KMT2B: variants seen among roughly 807,000 people sequenced by gnomAD.
KMT2B encodes lysine methyltransferase 2B, also known as histone-lysine N-methyltransferase 2B.
In KMT2B, 22 loss-of-function variants were observed where a neutral mutation model predicts 255.3. The ratio of observed to expected loss-of-function variants is 0.09; its 90% CI spans 0.06 to 0.12. The LOEUF is 0.12. Ranked by LOEUF, KMT2B falls within the 10% of genes least tolerant of loss-of-function variation. KMT2B has a pLI of 1.00. For synonymous variants in KMT2B, 1,730 were observed against 1,498.1 expected (o/e 1.15, Z -3.57); for missense variants, 3,149 against 3,737.0 (o/e 0.84, Z 4.10).
At position 35,720,373 on chromosome 19, in the gene KMT2B, A is replaced by C. The variant is rs1416342149; in HGVS notation, c.1026A>C (p.Arg342Ser). 3 of 1,597,532 alleles carry C rather than the reference A, an allele frequency of 1.9e-6. No homozygotes were observed. Among genetic ancestry groups the C allele is most frequent in the Non-Finnish European group, 2.6e-6 (3 of 1,172,072 alleles). The stretch of plus-strand genomic sequence containing the variant: ...AAAGTTGGCAGGATGTCCCCCAAAG[A>C]AGAGTTGGATCTGGACAGGGAGGGA... The part of the protein sequence containing the change: ...HEESWQDVPQ[R>S]RVGSGQGGSP... Residue 342 changes from arginine (R) to serine (S), a missense_variant, in exon 3 of 37, where the codon AGA (arginine) becomes AGC (serine). Around this residue, in one of 18 missense-constraint regions of KMT2B, gnomAD observed 1,188 missense variants for 1,106.4 expected, o/e 1.07. Coordinates refer to ENST00000420124, the MANE Select transcript of KMT2B (RefSeq NM_014727.3).
At position 35,738,754 on chromosome 19, in the gene KMT2B, T is replaced by C; in HGVS notation, c.*197T>C. 1 of 615,960 alleles carries C rather than the reference T, an allele frequency of 1.6e-6. No homozygotes were observed. The highest frequency in any genetic ancestry group is 2.8e-6 in the Non-Finnish European group (1 of 353,830). 38.2% of individuals were successfully genotyped at this position (615,960 alleles called of 1,614,324 possible). A position where few individuals can be genotyped will look rare whatever the true frequency, so the allele number is the denominator to read the frequency against. On this transcript the variant is annotated 3_prime_UTR_variant, in exon 37 of 37. Transcript: ENST00000420124. The surrounding 1 kb of genome is among the most constrained non-coding windows in gnomAD (Gnocchi z 8.7). ...TCCAGCAATCGCCCCCTTTCTGCCC[T>C]GGGGGCCCAGGATGTAGATATTGTA...
rs755498614 is a variant in KMT2B at position 35,727,604 on chromosome 19, A to G, written c.4284A>G (p.Pro1428=). Residue 1428 remains proline (P), a synonymous_variant, in exon 16 of 37, where the codon CCA becomes CCG. Coordinates refer to ENST00000420124, the MANE Select transcript of KMT2B (RefSeq NM_014727.3). This position sits in a 1 kb window ranked among gnomAD's most constrained non-coding sequence, Gnocchi z 4.2. ...TGCTGAGCTCCAAGGTGGTGGGCCC[A>G]CTGCTGCTCTGCACCCAGGTCTGGA... ...QGLLSSKVVG[P]LLLCTQCGPD... The G allele has an allele frequency of 7.5e-6, 12 of 1,606,586 alleles. No homozygotes were observed. The highest frequency in any genetic ancestry group is 4.4e-5 in the South Asian group (4 of 90,914).
rs756417331 is a variant in KMT2B, at chr19:35,719,525, G to A, written c.420G>A (p.Ala140=). Residue 140 remains alanine (A), a synonymous_variant, in exon 2 of 37, where the codon GCG becomes GCA. Coordinates refer to ENST00000420124, the MANE Select transcript of KMT2B (RefSeq NM_014727.3). ...EDVAPSSLRS[A]LRSQRGRAPR... Reference sequence around the variant, plus strand: ...TGGCCCCCAGTTCCCTGCGCTCTGCGCTCCGATCCCAGCGAGGTGAGTGAC... The same window carrying A: ...TGGCCCCCAGTTCCCTGCGCTCTGCACTCCGATCCCAGCGAGGTGAGTGAC... The A allele has an allele frequency of 2.5e-6, 4 of 1,591,390 alleles. No homozygotes were observed. The highest frequency in any genetic ancestry group is 3.4e-6 in the Non-Finnish European group (4 of 1,169,062).
At position 35,721,113 on chromosome 19, in the gene KMT2B, C is replaced by T. The variant is rs1475021403; in HGVS notation, c.1766C>T (p.Pro589Leu). 2.5e-6 allele frequency: 4 copies of T among 1,610,440 alleles called. No homozygotes were observed. The highest frequency in any genetic ancestry group is 3.4e-6 in the Non-Finnish European group (4 of 1,178,794). Residue 589 changes from proline (P) to leucine (L), a missense_variant, in exon 3 of 37, where the codon CCT (proline) becomes CTT (leucine). Physicochemically the swap from Pro to Leu is moderately conservative, Grantham distance 98. Transcript: ENST00000420124. ...CCCTCTCCACCACGTGCCCCAACTCCTCCATCTACCCCAGTTCCACTCCCT... is the reference window on the plus strand; with the variant it reads ...CCCTCTCCACCACGTGCCCCAACTCTTCCATCTACCCCAGTTCCACTCCCT... ...PVPSPPRAPT[P>L]PSTPVPLPEK... is the part of the protein sequence containing the mutation.
chr19:35,718,384 G>A lies in KMT2B; in HGVS notation c.363+3G>A. ...GTGACGGGGAATCCGACGAGGAGGTGAGGCGGTTGGAGGCGTCCCCGGCGC... is the reference window on the plus strand; with the variant it reads ...GTGACGGGGAATCCGACGAGGAGGTAAGGCGGTTGGAGGCGTCCCCGGCGC... On this transcript the variant is annotated splice_donor_region_variant and intron_variant, in intron 1 of 36. Transcript: ENST00000420124. The surrounding 1 kb of genome is among the most constrained non-coding windows in gnomAD (Gnocchi z 5.0). 7.9e-7 allele frequency: 1 copy of A among 1,264,186 alleles called. No homozygotes were observed. Among genetic ancestry groups the A allele is most frequent in the East Asian group, 3.0e-5 (1 of 33,440 alleles). 78.3% of individuals were successfully genotyped at this position (1,264,186 alleles called of 1,614,324 possible). A position where few individuals can be genotyped will look rare whatever the true frequency, so the allele number is the denominator to read the frequency against.
At chr19:35,728,207 A>G in intron 19 of KMT2B, 36 bp downstream of exon 19, 1 of 1,547,100 alleles carries the variant, frequency 6.5e-7, no homozygotes, top group Non-Finnish European at 8.7e-7. Flanking sequence ...GAAGCCGGGG[A>G]GTGAGGGCAA....
rs746337039 is a variant in KMT2B at position 35,732,845 on chromosome 19, C to T, written c.6296C>T (p.Ala2099Val). ...GVVRAGVLGA[A>V]GDRARPPEDL... is the part of the protein sequence containing the mutation. Reference sequence around the variant, plus strand: ...GTCCGGGCAGGGGTCCTTGGGGCTGCAGGGGACAGGGCCCGGCCTCCTGAG... The same window carrying T: ...GTCCGGGCAGGGGTCCTTGGGGCTGTAGGGGACAGGGCCCGGCCTCCTGAG... The change falls in exon 28 of 37, where the codon GCA (alanine) becomes GTA (valine). Residue 2099 changes from alanine (A) to valine (V), a missense_variant. Ala to Val is a moderately conservative substitution (Grantham distance 64). Coordinates refer to ENST00000420124, the MANE Select transcript of KMT2B (RefSeq NM_014727.3). 68 of 1,608,992 alleles carry T rather than the reference C, an allele frequency of 4.2e-5. No individual in the cohort carries two copies. Among genetic ancestry groups the T allele is most frequent in the Non-Finnish European group, 5.7e-5 (67 of 1,178,302 alleles).
Position 35,719,764 on chromosome 19 carries a change from C to T in KMT2B, c.437-20C>T. On this transcript the variant is annotated intron_variant, in intron 2 of 36. Transcript: ENST00000420124. The stretch of plus-strand genomic sequence containing the variant: ...GTAGGGCTGGCTTGATCCATCTCCC[C>T]ACAACTATTCTCCTTTTAGGTCGAG... 6.4e-7 allele frequency: 1 copy of T among 1,564,072 alleles called. No individual in the cohort carries two copies. The highest frequency in any genetic ancestry group is 8.7e-7 in the Non-Finnish European group (1 of 1,156,036).
At chr19:35,719,121 T>C (rs1214579313) in intron 1 of KMT2B, among the ~76,000 whole-genome samples, 4 of 152,218 alleles carry the variant, frequency 2.6e-5, no homozygotes, top group Middle Eastern at 3.4e-3. Flanking sequence ...AGGGTGTCAG[T>C]GGAGGTCCCA....
chr19:35,724,017 G>A lies in KMT2B; in HGVS notation c.3334+10G>A, dbSNP rs1306895042. Reference sequence around the variant, plus strand: ...ACCCCCCGAGAAAATGGTGCGAACTGCTTAATGCTTTCTCTGTTGATCATT... The same window carrying A: ...ACCCCCCGAGAAAATGGTGCGAACTACTTAATGCTTTCTCTGTTGATCATT... On this transcript the variant is annotated intron_variant, in intron 8 of 36. Transcript: ENST00000420124. 1.9e-6 allele frequency: 3 copies of A among 1,565,174 alleles called. No homozygotes were observed. Among genetic ancestry groups the A allele is most frequent in the East Asian group, 2.3e-5 (1 of 44,186 alleles).
intron 14 of KMT2B, among the ~76,000 whole-genome samples, chr19:35,726,741 T>A (rs1181081723): frequency 6.6e-6 from 1 of 152,130 alleles, no homozygotes; most frequent in Non-Finnish European, 1.5e-5. Flanking sequence ...CCTAACACTT[T>A]GGAAGGCTGA....
In KMT2B at chr19:35,726,431, C is replaced by T. The variant is rs375893440; in HGVS notation, c.4003+78C>T. On this transcript the variant is annotated intron_variant, in intron 14 of 36. Transcript: ENST00000420124. ...GCTCTTTTACAGGCTTTAGCACAGACCCTCTTTTCTCATGGCTTTCCACCT... is the reference window on the plus strand; with the variant it reads ...GCTCTTTTACAGGCTTTAGCACAGATCCTCTTTTCTCATGGCTTTCCACCT... The T allele has an allele frequency of 2.9e-4, 281 of 955,256 alleles. No homozygotes were observed. In the East Asian group the frequency reaches 4.0e-3, roughly 14 times the overall value. The allele number at this position is 955,256 out of a possible 1,614,324, so 59.2% of individuals were successfully genotyped here.
Position 35,720,327 on chromosome 19 carries a change from A to G in KMT2B, c.980A>G (p.Gln327Arg), listed in dbSNP as rs745466198. 2 of 1,611,724 alleles carry G rather than the reference A, an allele frequency of 1.2e-6. No homozygotes were observed. Among genetic ancestry groups the G allele is most frequent in the Non-Finnish European group, 1.7e-6 (2 of 1,178,792 alleles). The change falls in exon 3 of 37, where the codon CAA (glutamine) becomes CGA (arginine). Residue 327 changes from glutamine to arginine, a missense_variant. Around this residue, in one of 18 missense-constraint regions of KMT2B, gnomAD observed 1,188 missense variants for 1,106.4 expected, o/e 1.07. Transcript: ENST00000420124. ...GQLSLGLESG[Q>R]GQGQHEESWQ... ...TTGTCCTTGGGACTCGAATCAGGTC[A>G]AGGTCAAGGTCAACATGAGGAAAGT...
In KMT2B at chr19:35,733,504, G is replaced by A. The variant is rs990645197; in HGVS notation, c.6955G>A (p.Gly2319Ser). The A allele has an allele frequency of 3.9e-6, 6 of 1,555,414 alleles. No individual in the cohort carries two copies. The highest frequency in any genetic ancestry group is 1.4e-5 in the African/African-American group (1 of 73,196). Residue 2319 changes from glycine (G) to serine (S), a missense_variant, in exon 28 of 37, where the codon GGC becomes AGC. Physicochemically the swap from Gly to Ser is moderately conservative, Grantham distance 56 (BLOSUM62 0). This residue lies in a region of KMT2B where 897 missense variants were observed against 825.3 expected (regional missense o/e 1.09). Coordinates refer to ENST00000420124, the MANE Select transcript of KMT2B (RefSeq NM_014727.3). The surrounding 1 kb of genome is among the most constrained non-coding windows in gnomAD (Gnocchi z 4.3). Reference sequence around the variant, plus strand: ...CCCTCAGGTTCCAGGGCTTGGCAGTGGCGGGTGAGTGCGGGTGCTGAGGCT... The same window carrying A: ...CCCTCAGGTTCCAGGGCTTGGCAGTAGCGGGTGAGTGCGGGTGCTGAGGCT... ...DTPQVPGLGS[G>S]GFSRVRMKTP...
chr19:35,718,419 C>T lies in KMT2B; in HGVS notation c.363+38C>T. The T allele has an allele frequency of 1.6e-6, 2 of 1,237,420 alleles. No homozygotes were observed. The highest frequency in any genetic ancestry group is 4.0e-5 in the South Asian group (1 of 25,176). 76.7% of individuals were successfully genotyped at this position (1,237,420 alleles called of 1,614,324 possible). On this transcript the variant is annotated intron_variant, in intron 1 of 36. Transcript: ENST00000420124. The surrounding 1 kb of genome is among the most constrained non-coding windows in gnomAD (Gnocchi z 5.0). ...GAGGCGTCCCCGGCGCCGGGTGGGG[C>T]GGAGGCCGGGGCTTCCAGGGGTCTG...
chr19:35,719,119 A>C (rs1034004094), intron 1 of KMT2B, among the ~76,000 whole-genome samples: 2 of 152,108 alleles, frequency 1.3e-5, no homozygotes, highest in African/African-American at 4.8e-5. Flanking sequence ...AAAGGGTGTC[A>C]GTGGAGGTCC....
Position 35,728,819 on chromosome 19 carries a change from C to T in KMT2B, c.4617C>T (p.Val1539=). The T allele has an allele frequency of 6.2e-7, 1 of 1,613,968 alleles. No individual in the cohort carries two copies. The highest frequency in any genetic ancestry group is 8.5e-7 in the Non-Finnish European group (1 of 1,179,872). Residue 1539 remains valine (V), a synonymous_variant, in exon 20 of 37, where the codon GTC becomes GTT. Transcript: ENST00000420124. ...NAVLPPSLDH[V]YAQWRQQEPE... is the part of the protein sequence containing the mutation. Reference sequence around the variant, plus strand: ...TGTTGCCCCCATCCCTGGATCATGTCTATGCGCAGTGGAGACAGCAGGAAC... The same window carrying T: ...TGTTGCCCCCATCCCTGGATCATGTTTATGCGCAGTGGAGACAGCAGGAAC...
At position 35,720,375 on chromosome 19, in the gene KMT2B, G is replaced by A. The variant is rs200396386; in HGVS notation, c.1028G>A (p.Arg343Lys). ...EESWQDVPQR[R>K]VGSGQGGSPC... The stretch of plus-strand genomic sequence containing the variant: ...AGTTGGCAGGATGTCCCCCAAAGAA[G>A]AGTTGGATCTGGACAGGGAGGGAGC... Residue 343 changes from arginine (R) to lysine (K), a missense_variant, in exon 3 of 37, where the codon AGA becomes AAA. This residue lies in a region of KMT2B where 1,188 missense variants were observed against 1,106.4 expected (regional missense o/e 1.07). Transcript: ENST00000420124. The A allele has an allele frequency of 1.7e-4, 270 of 1,596,140 alleles. 2 individuals carry two copies. The highest frequency in any genetic ancestry group is 8.2e-4 in the Middle Eastern group (5 of 6,072).
At chr19:35,724,467 C>G (rs1319199938) in intron 8 of KMT2B, among the ~76,000 whole-genome samples, 170 bp from the exon 9 acceptor site, 3 of 152,170 alleles carry the variant, frequency 2.0e-5, no homozygotes, top group Non-Finnish European at 4.4e-5. Context: ...CCACTGCATT[C>G]CAGTCTGGGC....
Sources: gnomAD v4.1 joint callset for allele counts (sites outside exome capture counted in the v4.1 genomes callset) on GRCh38, gnomAD v4.1.1 for gene constraint, gnomAD v4.1.1 regional missense constraint, Gnocchi (gnomAD v3.1) non-coding constraint, MANE v1.5 for transcripts, NCBI Gene and HGNC (gene_info 2026-07-23, HGNC 2026-07-21) for gene names.